PHF14: variants seen among roughly 807,000 people sequenced by gnomAD.
PHF14 encodes the protein PHD finger protein 14.
A neutral mutation model predicts 117.9 loss-of-function variants in PHF14; 55 were observed. That is an observed-to-expected ratio of 0.47 (90% CI 0.38 to 0.58). The LOEUF (loss-of-function observed/expected upper bound fraction) is 0.58. Ranked by LOEUF, PHF14 falls within the 20% of genes least tolerant of loss-of-function variation. The probability of loss-of-function intolerance (pLI) is 0.00; values close to 1 mark genes in which losing one functional copy is unlikely to be tolerated. For missense variants in PHF14, 978 were observed against 1,122.2 expected, an observed-to-expected ratio of 0.87 and a Z score of 1.84; for synonymous variants, 409 against 368.6, an observed-to-expected ratio of 1.11 and a Z score of -1.26.
intron 17 of PHF14, among the ~76,000 whole-genome samples, chr7:11,119,129 AAATCATAACT>A (rs1787680169): frequency 6.6e-6 from 1 of 151,920 alleles, no homozygotes; most frequent in African/African-American, 2.4e-5. Flanking sequence ...ATGAGAAACT[AAATCATAACT>A]GAGATAATTA....
intron 17 of PHF14, among the ~76,000 whole-genome samples, chr7:11,158,144 C>T (rs1178643157): frequency 6.6e-6 from 1 of 151,958 alleles, no homozygotes; most frequent in Non-Finnish European, 1.5e-5. Context: ...CCAGTTTTGC[C>T]ACTAGTGTTC....
At chr7:11,164,238 A>G (rs1234069419) in intron 17 of PHF14, among the ~76,000 whole-genome samples, 6 of 152,152 alleles carry the variant, frequency 3.9e-5, no homozygotes, top group African/African-American at 1.4e-4. Context: ...TTCTCTTTGT[A>G]TTCATAGAGT....
intron 17 of PHF14, among the ~76,000 whole-genome samples, chr7:11,128,597 A>G (rs920464829): frequency 6.6e-6 from 1 of 151,868 alleles, no homozygotes; most frequent in East Asian, 1.9e-4. Context: ...TCCATTGTCT[A>G]TACTATAGTA....
intron 16 of PHF14, among the ~76,000 whole-genome samples, chr7:11,096,167 T>TATATG (rs772731848): frequency 1.3e-5 from 2 of 152,168 alleles, no homozygotes; most frequent in African/African-American, 2.4e-5. Flanking sequence ...GGTGTCTGAG[T>TATATG]ATATGCATGC....
chr7:10,999,040 G>A (rs191511945), intron 4 of PHF14, among the ~76,000 whole-genome samples: 2 of 152,304 alleles, frequency 1.3e-5, no homozygotes, highest in Non-Finnish European at 2.9e-5. Flanking sequence ...GGCGGCACTA[G>A]GGTTTTTTGC....
intron 17 of PHF14, among the ~76,000 whole-genome samples, chr7:11,120,058 C>A (rs200596586): frequency 2.6e-5 from 4 of 151,366 alleles, no homozygotes; most frequent in African/African-American, 9.7e-5. Flanking sequence ...TATTTTTTCC[C>A]AAAAAATTGC....
intron 3 of PHF14, among the ~76,000 whole-genome samples, chr7:10,984,849 C>T (rs1782159076): frequency 6.6e-6 from 1 of 152,158 alleles, no homozygotes; most frequent in Non-Finnish European, 1.5e-5. Context: ...CTAGAAGACA[C>T]TTTAGTAAAT....
At chr7:11,010,196 G>C (rs943420168) in intron 4 of PHF14, among the ~76,000 whole-genome samples, 1 of 152,032 alleles carries the variant, frequency 6.6e-6, no homozygotes, top group African/African-American at 2.4e-5. Flanking sequence ...GGAGAAAATA[G>C]ATTGATGATA....
chr7:11,071,576 A>C (rs1343176403), intron 16 of PHF14, among the ~76,000 whole-genome samples: 2 of 152,168 alleles, frequency 1.3e-5, no homozygotes, highest in Admixed American at 1.3e-4. Context: ...GAGCTTAATG[A>C]TTTTTAGTAC....
intron 5 of PHF14, among the ~76,000 whole-genome samples, chr7:11,019,293 A>C (rs1783642820): frequency 6.6e-6 from 1 of 152,128 alleles, no homozygotes; most frequent in African/African-American, 2.4e-5. Flanking sequence ...TTTTTGGAAT[A>C]GTTTGAGTAA....
chr7:11,060,826 A>G (rs151256715), intron 14 of PHF14, among the ~76,000 whole-genome samples: 41 of 152,282 alleles, frequency 2.7e-4, no homozygotes, highest in African/African-American at 8.4e-4. Context: ...CTTTTTTTGA[A>G]TGACTAATTT....
intron 13 of PHF14, among the ~76,000 whole-genome samples, chr7:11,044,719 G>C (rs1784610959): frequency 6.6e-6 from 1 of 151,970 alleles, no homozygotes; most frequent in Non-Finnish European, 1.5e-5. Flanking sequence ...TAAATATTTT[G>C]TCACATTTTA....
At chr7:11,083,464 ATTTTTTT>A (rs776573456) in intron 16 of PHF14, among the ~76,000 whole-genome samples, 6 of 112,310 alleles carry the variant, frequency 5.3e-5, no homozygotes, top group East Asian at 2.6e-4. Flanking sequence ...TGCTTTCCCT[ATTTTTTT>A]TTTTTTTTTT....
intron 13 of PHF14, among the ~76,000 whole-genome samples, chr7:11,047,310 C>T (rs571894317): frequency 1.3e-5 from 2 of 151,892 alleles, no homozygotes; most frequent in Admixed American, 1.3e-4. Context: ...CCTCATGATC[C>T]GCCTGCCTTG....
intron 5 of PHF14, among the ~76,000 whole-genome samples, chr7:11,014,138 G>A (rs970452495): frequency 2.0e-5 from 3 of 152,056 alleles, no homozygotes; most frequent in Admixed American, 6.6e-5. Context: ...CTTAATAATT[G>A]ACCCTATGAT....
intron 4 of PHF14, among the ~76,000 whole-genome samples, chr7:11,012,693 A>G (rs543547983): frequency 1.5e-4 from 23 of 152,350 alleles, no homozygotes; most frequent in East Asian, 5.8e-4. Context: ...TTTTTATTAC[A>G]TTAGCTGCCT....
chr7:11,103,944 A>G, intron 16 of PHF14: 1 of 983,026 alleles, frequency 1.0e-6, no homozygotes, highest in Non-Finnish European at 1.2e-6. Flanking sequence ...AGATAGGACT[A>G]GTTGTCACTA....
In PHF14 at chr7:11,061,822, C is replaced by T; in HGVS notation, c.2513C>T (p.Pro838Leu). The T allele has an allele frequency of 6.6e-7, 1 of 1,521,866 alleles. No homozygotes were observed. Among genetic ancestry groups the T allele is most frequent in the Non-Finnish European group, 8.8e-7 (1 of 1,135,590 alleles). 94.3% of individuals were successfully genotyped at this position (1,521,866 alleles called of 1,614,324 possible). A position where few individuals can be genotyped will look rare whatever the true frequency, so the allele number is the denominator to read the frequency against. ...AGAGGACGAAAACGAAGCTTCGTTC[C>T]TGAGGAAGAAAAACATGAGGTTGGA... The part of the protein sequence containing the change: ...RTRGRKRSFV[P>L]EEEKHEERVP... The change falls in exon 15 of 18, where the codon CCT (proline) becomes CTT (leucine). Residue 838 changes from proline (P) to leucine (L), a missense_variant. This residue lies in a region of PHF14 where 180 missense variants were observed against 195.4 expected (regional missense o/e 0.92). Transcript: ENST00000634607.
intron 16 of PHF14, among the ~76,000 whole-genome samples, chr7:11,082,300 A>G (rs1019542914): frequency 6.6e-6 from 1 of 152,172 alleles, no homozygotes; most frequent in Non-Finnish European, 1.5e-5. Flanking sequence ...GTGAGCCATG[A>G]TCACGTCACT....
Sources: gnomAD v4.1 joint callset for allele counts (sites outside exome capture counted in the v4.1 genomes callset) on GRCh38, gnomAD v4.1.1 for gene constraint, gnomAD v4.1.1 regional missense constraint, MANE v1.5 for transcripts, NCBI Gene and HGNC (gene_info 2026-07-23, HGNC 2026-07-21) for gene names.